FAM149A: variants seen among roughly 807,000 people sequenced by gnomAD.
FAM149A encodes the protein family with sequence similarity 149 member A.
In FAM149A, 71 loss-of-function variants were observed where a neutral mutation model predicts 78.2. That is an observed-to-expected ratio of 0.91 (90% CI 0.75 to 1.11). The LOEUF (loss-of-function observed/expected upper bound fraction) is 1.11, where lower values mean the gene tolerates loss of function less well. Among genes scored for constraint, FAM149A ranks in the 50% least tolerant of loss-of-function variants. The probability of loss-of-function intolerance (pLI) is 0.00; values close to 1 mark genes in which losing one functional copy is unlikely to be tolerated. For synonymous variants in FAM149A, 446 were observed against 410.5 expected (o/e 1.09, Z -1.04); for missense variants, 1,036 against 971.0 (o/e 1.07, Z -0.89).
intron 1 of FAM149A, among the ~76,000 whole-genome samples, chr4:186,106,191 C>T (rs544088987): frequency 2.0e-5 from 3 of 152,062 alleles, no homozygotes; most frequent in Non-Finnish European, 2.9e-5. Flanking sequence ...GGCCAGGACA[C>T]GTCTGATTAT....
intron 1 of FAM149A, chr4:186,129,896 T>C (rs1364623154): frequency 6.6e-6 from 1 of 152,116 alleles, no homozygotes. Context: ...GACTCCCAAG[T>C]AAATAGGAAG....
Position 186,172,065 on chromosome 4 carries a change from T to C in FAM149A, c.*78T>C, listed in dbSNP as rs898192713. The C allele has an allele frequency of 1.3e-6, 2 of 1,567,024 alleles. No individual in the cohort carries two copies. The highest frequency in any genetic ancestry group is 1.4e-5 in the African/African-American group (1 of 72,414). On this transcript the variant is annotated 3_prime_UTR_variant, in exon 14 of 14. Transcript: ENST00000389354. Reference sequence around the variant, plus strand: ...CACTTGAAAAATGGAGGAACAAGTGTTATATTTATCTGTGTGTCTGACAGT... The same window carrying C: ...CACTTGAAAAATGGAGGAACAAGTGCTATATTTATCTGTGTGTCTGACAGT...
chr4:186,105,254 C>G lies in FAM149A; in HGVS notation c.178C>G (p.Pro60Ala), dbSNP rs535942540. 1.3e-4 allele frequency: 163 copies of G among 1,218,862 alleles called. No individual in the cohort carries two copies. The African/African-American group carries it at 2.4e-3, about 18-fold the overall frequency. The allele number at this position is 1,218,862 out of a possible 1,614,324, so 75.5% of individuals were successfully genotyped here. Residue 60 changes from proline to alanine, a missense_variant, in exon 1 of 14, where the codon CCG (proline) becomes GCG (alanine). Transcript: ENST00000389354. ...CCCGACCCTCCTCCGCGCCCTGGCTCCGGACTCCCCCTCCGCCTCGCGGCG... is the reference window on the plus strand; with the variant it reads ...CCCGACCCTCCTCCGCGCCCTGGCTGCGGACTCCCCCTCCGCCTCGCGGCG...
At chr4:186,121,991 CCTGG>C (rs2099316276) in intron 1 of FAM149A, among the ~76,000 whole-genome samples, 1 of 152,208 alleles carries the variant, frequency 6.6e-6, no homozygotes, top group Non-Finnish European at 1.5e-5. Flanking sequence ...ACAGTGACTT[CCTGG>C]CTGGCACCAT....
At chr4:186,109,926 G>A in intron 1 of FAM149A, 2 of 985,406 alleles carry the variant, frequency 2.0e-6, no homozygotes, top group Non-Finnish European at 2.4e-6. Flanking sequence ...TTACCACTGA[G>A]TGCTGTGTAA....
At chr4:186,136,964 T>TTTCTCTCTCTCTCTCTCTCTCTCTC (rs2099323211) in intron 1 of FAM149A, among the ~76,000 whole-genome samples, 1 of 97,042 alleles carries the variant, frequency 1.0e-5, no homozygotes, top group Non-Finnish European at 2.0e-5. Flanking sequence ...CTCTCTCTCT[T>TTTCTCTCTCTCTCTCTCTCTCTCTC]TCTCTCTCTC....
chr4:186,133,836 C>T (rs1036610904), intron 1 of FAM149A, among the ~76,000 whole-genome samples: 1 of 152,070 alleles, frequency 6.6e-6, no homozygotes, highest in Non-Finnish European at 1.5e-5. Flanking sequence ...TTTAAATTTT[C>T]TGTAGAGACA....
At chr4:186,148,471 C>T (rs1263229339) in intron 1 of FAM149A, among the ~76,000 whole-genome samples, 1 of 152,130 alleles carries the variant, frequency 6.6e-6, no homozygotes, top group Non-Finnish European at 1.5e-5. Flanking sequence ...GATTATTAAA[C>T]ATCAGGAAGA....
In FAM149A at chr4:186,157,117, A is replaced by C. The variant is rs547079138; in HGVS notation, c.1421-448A>C. Reference sequence around the variant, plus strand: ...TTGTTCGTGACATTATCTGTAATGTAAAATGTAAACATTGCTAATTGAATC... The same window carrying C: ...TTGTTCGTGACATTATCTGTAATGTCAAATGTAAACATTGCTAATTGAATC... On this transcript the variant is annotated intron_variant, in intron 7 of 13. Transcript: ENST00000389354. Among the ~76,000 whole-genome samples the C allele has an allele frequency of 5.9e-5, 9 of 152,066 alleles. No individual in the cohort carries two copies. The East Asian group carries it at 9.7e-4, about 16-fold the overall frequency.
At chr4:186,132,549 G>A (rs2099321158) in intron 1 of FAM149A, among the ~76,000 whole-genome samples, 1 of 152,222 alleles carries the variant, frequency 6.6e-6, no homozygotes, top group South Asian at 2.1e-4. Flanking sequence ...AGACAGGTCT[G>A]TGCCTTTTTC....
At chr4:186,125,383 C>T (rs1254755630) in intron 1 of FAM149A, 2 of 962,766 alleles carry the variant, frequency 2.1e-6, no homozygotes, top group African/African-American at 3.5e-5. Flanking sequence ...TTGATGATAG[C>T]CACTGCTGAG....
At chr4:186,168,857 G>C (rs1001463066) in intron 13 of FAM149A, among the ~76,000 whole-genome samples, 7 of 152,222 alleles carry the variant, frequency 4.6e-5, no homozygotes, top group African/African-American at 1.4e-4. Context: ...GGCTGTGAGA[G>C]GGGTGAGCAG....
intron 8 of FAM149A, chr4:186,158,458 C>T (rs1209941080): frequency 8.8e-7 from 1 of 1,133,220 alleles, no homozygotes; most frequent in Non-Finnish European, 1.1e-6. Context: ...CCAGGAACAC[C>T]CATGGGAGTC....
chr4:186,104,864 A>G lies in FAM149A; in HGVS notation c.-213A>G. On this transcript the variant is annotated 5_prime_UTR_variant, in exon 1 of 14. Coordinates refer to ENST00000389354, the MANE Select transcript of FAM149A (RefSeq NM_001367768.3). ...GGGACGAGGCGGGGCTGCTCTCCGC[A>G]GCCGGGGCGCTCGGCGGACGGACCC... is the stretch of plus-strand genomic sequence containing the variant. The G allele has an allele frequency of 1.4e-6, 1 of 721,308 alleles. No homozygotes were observed. The highest frequency in any genetic ancestry group is 1.7e-6 in the Non-Finnish European group (1 of 589,120). 44.7% of individuals were successfully genotyped at this position (721,308 alleles called of 1,614,324 possible). A position where few individuals can be genotyped will look rare whatever the true frequency, so the allele number is the denominator to read the frequency against.
In FAM149A at chr4:186,105,363, C is replaced by A. The variant is rs908829997; in HGVS notation, c.287C>A (p.Ser96Tyr). The A allele has an allele frequency of 6.0e-5, 71 of 1,187,936 alleles. No homozygotes were observed. Among genetic ancestry groups the A allele is most frequent in the Non-Finnish European group, 7.4e-5 (70 of 947,592 alleles). 73.6% of individuals were successfully genotyped at this position (1,187,936 alleles called of 1,614,324 possible). A position where few individuals can be genotyped will look rare whatever the true frequency, so the allele number is the denominator to read the frequency against. Residue 96 changes from serine to tyrosine, a missense_variant, in exon 1 of 14, where the codon TCT becomes TAT. Ser to Tyr is a moderately radical substitution (Grantham distance 144). This residue lies in a region of FAM149A where 316 missense variants were observed against 241.9 expected (regional missense o/e 1.31). Transcript: ENST00000389354. Reference sequence around the variant, plus strand: ...GCGGGAGCAGTGGGGACCCTGCTCTCTTGGCCCAGTAGCCCTAGAGCGGGT... The same window carrying A: ...GCGGGAGCAGTGGGGACCCTGCTCTATTGGCCCAGTAGCCCTAGAGCGGGT...
At chr4:186,166,645 T>C (rs112135766) in intron 11 of FAM149A, among the ~76,000 whole-genome samples, 1,226 of 91,642 alleles carry the variant, frequency 0.013, 10 homozygotes, top group Non-Finnish European at 0.02. Context: ...AGCGAGACTC[T>C]GTTTAAAAAA....
chr4:186,168,794 G>T (rs1242502082), intron 13 of FAM149A, among the ~76,000 whole-genome samples: 2 of 152,202 alleles, frequency 1.3e-5, no homozygotes, highest in Admixed American at 6.5e-5. Flanking sequence ...AACAGCAGGG[G>T]TGTTTCCGTC....
chr4:186,116,688 C>G (rs2099313882), intron 1 of FAM149A: 9 of 957,600 alleles, frequency 9.4e-6, no homozygotes, highest in Non-Finnish European at 1.1e-5. Flanking sequence ...ACCTCTGCGT[C>G]CTGGGTTAAA....
intron 5 of FAM149A, 56 bp from the exon 6 acceptor site, chr4:186,154,412 C>A: frequency 2.8e-6 from 4 of 1,405,430 alleles, no homozygotes; most frequent in Non-Finnish European, 3.9e-6. Context: ...ATCGTTTAAG[C>A]ATTGCGTTCT....
Sources: allele counts gnomAD v4.1 joint callset (sites outside exome capture counted in the v4.1 genomes callset), GRCh38; gene constraint gnomAD v4.1.1; regional missense constraint gnomAD v4.1.1; transcripts MANE v1.5; gene names NCBI Gene and HGNC (gene_info 2026-07-23, HGNC 2026-07-21).